Variants in ZNF292 observed in about 807,000 individuals in gnomAD.
The protein encoded by ZNF292 is 16 zinc-finger domain protein.
A neutral mutation model predicts 217.9 loss-of-function variants in ZNF292; 26 were observed. The ratio of observed to expected loss-of-function variants is 0.12; its 90% CI spans 0.09 to 0.17. The LOEUF is 0.17. Ranked by LOEUF, ZNF292 falls within the 10% of genes least tolerant of loss-of-function variation. ZNF292 has a pLI of 1.00. For missense variants in ZNF292, 2,904 were observed against 3,175.2 expected, an observed-to-expected ratio of 0.91 and a Z score of 2.05; for synonymous variants, 1,257 against 1,124.1, an observed-to-expected ratio of 1.12 and a Z score of -2.37.
At chr6:87,238,785 A>G (rs1364828650) in intron 5 of ZNF292, among the ~76,000 whole-genome samples, 1 of 151,690 alleles carries the variant, frequency 6.6e-6, no homozygotes, top group East Asian at 1.9e-4. Flanking sequence ...CAGATAAACA[A>G]GTGAACAAAG....
Position 87,259,910 on chromosome 6 carries a change from G to A in ZNF292, c.6281G>A (p.Arg2094Gln), listed in dbSNP as rs746371148. Residue 2094 changes from arginine to glutamine, a missense_variant, in exon 8 of 8, where the codon CGA (arginine) becomes CAA (glutamine). By Grantham distance (43) the Arg-to-Gln change is conservative (BLOSUM62 1). This residue lies in a region of ZNF292 where 261 missense variants were observed against 272.8 expected (regional missense o/e 0.96). Transcript: ENST00000369577. Reference protein sequence around the residue: ...RHKKEKEEKKRKKPVSQSLEF... With the variant: ...RHKKEKEEKKQKKPVSQSLEF... The stretch of plus-strand genomic sequence containing the variant: ...AAAAAAGAAAAGGAGGAGAAAAAAC[G>A]AAAGAAGCCAGTTTCCCAATCCCTT... 74 of 1,613,402 alleles carry A rather than the reference G, an allele frequency of 4.6e-5. No individual in the cohort carries two copies. Among genetic ancestry groups the A allele is most frequent in the Admixed American group, 2.7e-4 (16 of 59,914 alleles).
intron 1 of ZNF292, among the ~76,000 whole-genome samples, chr6:87,190,039 C>T (rs1281823986): frequency 3.3e-5 from 5 of 152,180 alleles, no homozygotes; most frequent in Admixed American, 6.5e-5. Context: ...ATTGTTCCAA[C>T]TTTGCCCACA....
intron 6 of ZNF292, among the ~76,000 whole-genome samples, chr6:87,244,182 C>G (rs947148500): frequency 6.6e-6 from 1 of 152,008 alleles, no homozygotes; most frequent in African/African-American, 2.4e-5. Context: ...GAATATTTAC[C>G]AAATGACAGC....
At chr6:87,203,072 T>C (rs1324802864) in intron 1 of ZNF292, among the ~76,000 whole-genome samples, 1 of 151,772 alleles carries the variant, frequency 6.6e-6, no homozygotes, top group Non-Finnish European at 1.5e-5. Context: ...GGTTTTGAGG[T>C]AATCATATAA....
chr6:87,215,968 C>T lies in ZNF292; in HGVS notation c.234C>T (p.Tyr78=). 2 of 1,600,072 alleles carry T rather than the reference C, an allele frequency of 1.2e-6. No homozygotes were observed. The highest frequency in any genetic ancestry group is 1.8e-5 in the Admixed American group (1 of 55,560). ...ATCCTTTACCTTTATTGGAGGTATACACAGTGGCTATCCAAAGTTATGTTA... is the reference window on the plus strand; with the variant it reads ...ATCCTTTACCTTTATTGGAGGTATATACAGTGGCTATCCAAAGTTATGTTA... ...SEDPLPLLEV[Y]TVAIQSYVKA... is the part of the protein sequence containing the mutation. The change falls in exon 2 of 8, where the codon TAC becomes TAT. Residue 78 remains tyrosine, a synonymous_variant. Transcript: ENST00000369577.
At chr6:87,177,325 C>G (rs1396023897) in intron 1 of ZNF292, among the ~76,000 whole-genome samples, 1 of 121,548 alleles carries the variant, frequency 8.2e-6, no homozygotes, top group East Asian at 2.4e-4. Context: ...AACTCCATCT[C>G]AAAAAAAAAA....
intron 1 of ZNF292, among the ~76,000 whole-genome samples, chr6:87,195,733 A>T (rs1197839796): frequency 1.3e-5 from 2 of 152,192 alleles, no homozygotes; most frequent in Non-Finnish European, 2.9e-5. Flanking sequence ...AACATTAGAA[A>T]AATTGAGAAC....
In ZNF292 at chr6:87,263,552, TGG is replaced by T. The variant is rs1775711366; in HGVS notation, c.*1753_*1754del. 2 of 152,020 alleles carry T rather than the reference TGG, an allele frequency of 1.3e-5. No homozygotes were observed. The highest frequency in any genetic ancestry group is 4.1e-4 in the South Asian group (2 of 4,836). 9.4% of individuals were successfully genotyped at this position (152,020 alleles called of 1,614,324 possible). The stretch of plus-strand genomic sequence containing the variant: ...AAAGTATTTTATTTTTAGGGCCTTT[TGG>T]GTTTTATTGAATAGTTCATTTCACC... On this transcript the variant is annotated 3_prime_UTR_variant, in exon 8 of 8. Transcript: ENST00000369577.
chr6:87,180,682 G>C (rs1489197899), intron 1 of ZNF292, among the ~76,000 whole-genome samples: 1 of 86,950 alleles, frequency 1.2e-5, no homozygotes, highest in Non-Finnish European at 2.0e-5. Flanking sequence ...TTAAGCCCCA[G>C]CAACCACAGG....
chr6:87,162,497 ATTAC>A (rs1582364490), intron 1 of ZNF292, among the ~76,000 whole-genome samples: 1 of 152,180 alleles, frequency 6.6e-6, no homozygotes, highest in African/African-American at 2.4e-5. Context: ...ATTAGTGATA[ATTAC>A]TTTAGGTATT....
At position 87,265,817 on chromosome 6, in the gene ZNF292, A is replaced by G. The variant is rs147813757; in HGVS notation, c.*4016A>G. ...CTGATTGATCAATTTATATATCCCAATGGGTTGATTCCTTTGCTGTATTGG... is the reference window on the plus strand; with the variant it reads ...CTGATTGATCAATTTATATATCCCAGTGGGTTGATTCCTTTGCTGTATTGG... On this transcript the variant is annotated 3_prime_UTR_variant, in exon 8 of 8. Coordinates refer to ENST00000369577, the MANE Select transcript of ZNF292 (RefSeq NM_015021.3). 2.8e-3 allele frequency among the ~76,000 whole-genome samples: 423 copies of G among 152,300 alleles called. 4 individuals are homozygous for G. The highest frequency in any genetic ancestry group is 8.4e-3 in the African/African-American group (349 of 41,570).
chr6:87,250,849 T>C (rs1774884752), intron 7 of ZNF292, among the ~76,000 whole-genome samples: 1 of 152,250 alleles, frequency 6.6e-6, no homozygotes. Flanking sequence ...AATACATCCC[T>C]GCCTTTAAGG....
Position 87,265,844 on chromosome 6 carries a change from T to G in ZNF292, c.*4043T>G, listed in dbSNP as rs1775786528. 6.6e-6 allele frequency among the ~76,000 whole-genome samples: 1 copy of G among 152,242 alleles called. No individual in the cohort carries two copies. Among genetic ancestry groups the G allele is most frequent in the Non-Finnish European group, 1.5e-5 (1 of 68,038 alleles). On this transcript the variant is annotated 3_prime_UTR_variant, in exon 8 of 8. Transcript: ENST00000369577. ...GGGTTGATTCCTTTGCTGTATTGGTTGTTAATGTTTTGAATATTACCCGGT... is the reference window on the plus strand; with the variant it reads ...GGGTTGATTCCTTTGCTGTATTGGTGGTTAATGTTTTGAATATTACCCGGT...
intron 1 of ZNF292, among the ~76,000 whole-genome samples, chr6:87,206,978 T>G (rs1772276156): frequency 1.3e-5 from 2 of 152,202 alleles, no homozygotes; most frequent in African/African-American, 4.8e-5. Context: ...GTTTGTGAGT[T>G]AATGTGAATT....
chr6:87,207,793 C>T (rs1226505484), intron 1 of ZNF292, among the ~76,000 whole-genome samples: 1 of 152,182 alleles, frequency 6.6e-6, no homozygotes, highest in African/African-American at 2.4e-5. Context: ...GGTTATCTAT[C>T]AATTTCATCT....
chr6:87,234,799 G>C (rs1308841713), intron 5 of ZNF292, among the ~76,000 whole-genome samples: 1 of 152,140 alleles, frequency 6.6e-6, no homozygotes, highest in Non-Finnish European at 1.5e-5. Flanking sequence ...ATTGTCATCA[G>C]TCTCAAAGCA....
chr6:87,264,346 TAAGTG>T lies in ZNF292; in HGVS notation c.*2548_*2552del, dbSNP rs1488728967. ...TTGTATTATTCAAAATACATCACCT[TAAGTG>T]AAATGTAACAGTTTTTGAAATTTTC... On this transcript the variant is annotated 3_prime_UTR_variant, in exon 8 of 8. Coordinates refer to ENST00000369577, the MANE Select transcript of ZNF292 (RefSeq NM_015021.3). The T allele has an allele frequency of 6.6e-6, 1 of 152,214 alleles. No homozygotes were observed. Among genetic ancestry groups the T allele is most frequent in the African/African-American group, 2.4e-5 (1 of 41,456 alleles). 9.4% of individuals were successfully genotyped at this position (152,214 alleles called of 1,614,324 possible). A position where few individuals can be genotyped will look rare whatever the true frequency, so the allele number is the denominator to read the frequency against.
intron 4 of ZNF292, among the ~76,000 whole-genome samples, chr6:87,230,746 A>G (rs1475072305): frequency 1.3e-5 from 2 of 151,974 alleles, no homozygotes; most frequent in African/African-American, 4.8e-5. Context: ...AAAAAAAAAA[A>G]AAGAAAGTGA....
chr6:87,168,135 G>GT (rs1770975788), intron 1 of ZNF292, among the ~76,000 whole-genome samples: 1 of 152,216 alleles, frequency 6.6e-6, no homozygotes, highest in Admixed American at 6.5e-5. Context: ...AACAGGCACT[G>GT]TTAGATGCTT....
Sources: allele counts gnomAD v4.1 joint callset (sites outside exome capture counted in the v4.1 genomes callset), GRCh38; gene constraint gnomAD v4.1.1; regional missense constraint gnomAD v4.1.1; transcripts MANE v1.5; gene names NCBI Gene and HGNC (gene_info 2026-07-23, HGNC 2026-07-21).